Variants in ROCK2 observed in about 807,000 individuals in gnomAD.
The protein encoded by ROCK2 is rho-associated protein kinase 2.
In ROCK2, 61 loss-of-function variants were observed where a neutral mutation model predicts 195.1. That is an observed-to-expected ratio of 0.31 (90% CI 0.25 to 0.39). The LOEUF is 0.39. ROCK2 is among the 10% of genes least tolerant of loss of function. ROCK2 has a pLI of 1.00. For synonymous variants in ROCK2, 504 were observed against 545.5 expected (o/e 0.92, Z 1.06); for missense variants, 1,109 against 1,637.4 (o/e 0.68, Z 5.57).
At chr2:11,304,292 C>T (rs1235506685) in intron 1 of ROCK2, among the ~76,000 whole-genome samples, 1 of 152,174 alleles carries the variant, frequency 6.6e-6, no homozygotes, top group East Asian at 1.9e-4. Flanking sequence ...TTTCCTACTA[C>T]AACCACTTCC....
chr2:11,341,371 TGAAAA>T (rs1429524324), intron 1 of ROCK2, among the ~76,000 whole-genome samples: 1 of 152,168 alleles, frequency 6.6e-6, no homozygotes, highest in Non-Finnish European at 1.5e-5. Context: ...CATTTTCCTT[TGAAAA>T]GAAAATTTAA....
At chr2:11,318,922 G>A (rs1668314119) in intron 1 of ROCK2, among the ~76,000 whole-genome samples, 1 of 152,094 alleles carries the variant, frequency 6.6e-6, no homozygotes, top group Admixed American at 6.6e-5. Flanking sequence ...GTAGATGTGT[G>A]GTATTATTTC....
chr2:11,315,477 AAC>A (rs551976830), intron 1 of ROCK2, among the ~76,000 whole-genome samples: 208 of 152,190 alleles, frequency 1.4e-3, no homozygotes, highest in African/African-American at 4.8e-3. Context: ...AGTAAAAAAA[AAC>A]AGTAAATTAT....
intron 4 of ROCK2, among the ~76,000 whole-genome samples, chr2:11,243,302 A>G (rs1404026912): frequency 6.6e-6 from 1 of 152,182 alleles, no homozygotes; most frequent in Non-Finnish European, 1.5e-5. Flanking sequence ...TTTTGGCCCA[A>G]ATGTAAGCGC....
At chr2:11,188,986 G>C (rs1246088051) in intron 32 of ROCK2, among the ~76,000 whole-genome samples, 3 of 148,424 alleles carry the variant, frequency 2.0e-5, no homozygotes, top group African/African-American at 4.9e-5. Flanking sequence ...AGGGTGAACC[G>C]AGATCACGCC....
At chr2:11,310,855 T>C (rs1248055908) in intron 1 of ROCK2, among the ~76,000 whole-genome samples, 8 of 152,142 alleles carry the variant, frequency 5.3e-5, no homozygotes, top group South Asian at 2.1e-4. Context: ...ATATAAATGA[T>C]ACACATTTAT....
chr2:11,319,886 T>C (rs1668348177), intron 1 of ROCK2, among the ~76,000 whole-genome samples: 2 of 152,326 alleles, frequency 1.3e-5, no homozygotes, highest in African/African-American at 4.8e-5. Flanking sequence ...TAAATTATAT[T>C]ATTGGTTTGG....
intron 6 of ROCK2, among the ~76,000 whole-genome samples, chr2:11,226,336 T>G (rs959283091): frequency 6.6e-6 from 1 of 152,118 alleles, no homozygotes; most frequent in Non-Finnish European, 1.5e-5. Flanking sequence ...GATTTGGTCA[T>G]AAAAAAGAAG....
At chr2:11,283,036 G>A (rs1384434534) in intron 3 of ROCK2, among the ~76,000 whole-genome samples, 1 of 152,198 alleles carries the variant, frequency 6.6e-6, no homozygotes, top group Non-Finnish European at 1.5e-5. Flanking sequence ...GGAGGCCAAG[G>A]TGGGCAGATT....
At position 11,210,501 on chromosome 2, in the gene ROCK2, C is replaced by T. The variant is rs535817273; in HGVS notation, c.2203+1180G>A. Among the ~76,000 whole-genome samples, 3 of 152,038 alleles carry T rather than the reference C, an allele frequency of 2.0e-5. No individual in the cohort carries two copies. The South Asian group carries it at 6.2e-4, about 32-fold the overall frequency. ...GACTATAGGCGCACGCGACTACATC[C>T]AGCTAATTTTTCTATTTTTTGTAGA... is the stretch of plus-strand genomic sequence containing the variant. On this transcript the variant is annotated intron_variant, in intron 18 of 32. Coordinates refer to ENST00000315872, the MANE Select transcript of ROCK2 (RefSeq NM_004850.5).
chr2:11,192,583 T>C lies in ROCK2; in HGVS notation c.3817A>G (p.Asn1273Asp), dbSNP rs1211516018. 6.2e-7 allele frequency: 1 copy of C among 1,614,114 alleles called. No individual in the cohort carries two copies. The highest frequency in any genetic ancestry group is 1.1e-5 in the South Asian group (1 of 91,068). The change falls in exon 31 of 33, where the codon AAC becomes GAC. Residue 1273 changes from asparagine to aspartate, a missense_variant. Transcript: ENST00000315872. This position sits in a 1 kb window ranked among gnomAD's most constrained non-coding sequence, Gnocchi z 5.0. The part of the protein sequence containing the change: ...FIPTLYHFPT[N>D]CEACMKPLWH... ...AGGGGCTTCATACAAGCCTCACAGTTGGTTGGGAAATGATAAAGAGTAGGA... is the reference window on the plus strand; with the variant it reads ...AGGGGCTTCATACAAGCCTCACAGTCGGTTGGGAAATGATAAAGAGTAGGA...
intron 1 of ROCK2, among the ~76,000 whole-genome samples, chr2:11,313,094 A>G (rs1668085984): frequency 6.6e-6 from 1 of 152,120 alleles, no homozygotes; most frequent in Non-Finnish European, 1.5e-5. Context: ...ATGTACAGCA[A>G]AGAATGAACC....
chr2:11,188,114 T>A (rs1018417705), intron 32 of ROCK2, among the ~76,000 whole-genome samples: 1 of 147,822 alleles, frequency 6.8e-6, no homozygotes, highest in African/African-American at 2.5e-5. Context: ...TTTTTTTTTT[T>A]TTTTTTTTTT....
chr2:11,283,997 G>A (rs548792944), intron 3 of ROCK2, among the ~76,000 whole-genome samples: 1 of 152,176 alleles, frequency 6.6e-6, no homozygotes, highest in Non-Finnish European at 1.5e-5. Context: ...GTCAAAACCT[G>A]GAGGCAATCA....
intron 1 of ROCK2, among the ~76,000 whole-genome samples, chr2:11,322,503 TCCA>T (rs1410356811): frequency 3.3e-5 from 5 of 151,838 alleles, no homozygotes; most frequent in African/African-American, 1.2e-4. Context: ...TAGAAGAGCA[TCCA>T]TAATGCTCTT....
chr2:11,185,566 T>C (rs1408960468), intron 32 of ROCK2, among the ~76,000 whole-genome samples: 1 of 151,958 alleles, frequency 6.6e-6, no homozygotes, highest in Non-Finnish European at 1.5e-5. Flanking sequence ...ATGTCTCTAC[T>C]AAAAATACAA....
chr2:11,204,304 A>AC (rs1157881191), intron 20 of ROCK2, among the ~76,000 whole-genome samples: 1 of 151,244 alleles, frequency 6.6e-6, no homozygotes, highest in Non-Finnish European at 1.5e-5. Context: ...GGTATAATGA[A>AC]CCCCCCATTT....
At chr2:11,184,936 C>T (rs1663137110) in intron 32 of ROCK2, among the ~76,000 whole-genome samples, 1 of 152,162 alleles carries the variant, frequency 6.6e-6, no homozygotes. Flanking sequence ...GGAAGCCTTG[C>T]CCTTTATATA....
intron 8 of ROCK2, among the ~76,000 whole-genome samples, chr2:11,221,765 C>T (rs1442191665): frequency 6.6e-6 from 1 of 152,146 alleles, no homozygotes; most frequent in Non-Finnish European, 1.5e-5. Context: ...GTTGATTTAT[C>T]AAGTCAAACG....
Sources: allele counts gnomAD v4.1 joint callset (sites outside exome capture counted in the v4.1 genomes callset), GRCh38; gene constraint gnomAD v4.1.1; non-coding constraint Gnocchi (gnomAD v3.1); transcripts MANE v1.5; gene names NCBI Gene and HGNC (gene_info 2026-07-23, HGNC 2026-07-21).